LRP1B: variants seen among roughly 807,000 people sequenced by gnomAD.
LRP1B encodes the protein low-density lipoprotein receptor-related protein 1B.
LRP1B carries 217 observed loss-of-function variants against 556.6 expected under a neutral mutation model. The observed-to-expected ratio is 0.39, with a 90% CI of 0.35 to 0.44. The LOEUF is 0.44. LRP1B is among the 20% of genes least tolerant of loss of function. The pLI is 1.00. For synonymous variants in LRP1B, 2,047 were observed against 1,865.8 expected (o/e 1.10, Z -2.50); for missense variants, 5,053 against 5,620.8 (o/e 0.90, Z 3.23).
intron 11 of LRP1B, among the ~76,000 whole-genome samples, chr2:141,035,598 T>C (rs1008024636): frequency 7.9e-5 from 12 of 151,932 alleles, no homozygotes; most frequent in African/African-American, 2.9e-4. Flanking sequence ...GAAATCTTTA[T>C]AAAAAAATAA....
chr2:141,659,759 A>G (rs948835275), intron 2 of LRP1B, among the ~76,000 whole-genome samples: 11 of 152,132 alleles, frequency 7.2e-5, no homozygotes, highest in African/African-American at 2.7e-4. Flanking sequence ...GGATCAATTT[A>G]CCTTTCTGAG....
chr2:140,275,895 T>G (rs907061401), intron 84 of LRP1B, among the ~76,000 whole-genome samples: 6 of 151,986 alleles, frequency 3.9e-5, no homozygotes, highest in Non-Finnish European at 8.8e-5. Flanking sequence ...TATTTAATAA[T>G]ATAACAACCA....
chr2:142,117,279 G>A (rs751296347), intron 1 of LRP1B, among the ~76,000 whole-genome samples: 3 of 152,072 alleles, frequency 2.0e-5, no homozygotes, highest in Non-Finnish European at 2.9e-5. Flanking sequence ...CTGCATCCAC[G>A]TTCTCTCCCC....
intron 41 of LRP1B, among the ~76,000 whole-genome samples, chr2:140,657,000 A>G (rs1242597349): frequency 1.3e-5 from 2 of 152,058 alleles, no homozygotes; most frequent in Non-Finnish European, 2.9e-5. Context: ...AAGTGGTCAT[A>G]TTTTCCTTCT....
chr2:140,515,440 T>A (rs1294055120), intron 50 of LRP1B, among the ~76,000 whole-genome samples: 1 of 152,000 alleles, frequency 6.6e-6, no homozygotes, highest in Non-Finnish European at 1.5e-5. Context: ...AAGCCAATTT[T>A]GTTATTGCTC....
chr2:141,536,741 GTTGAT>G (rs1285017073), intron 2 of LRP1B, among the ~76,000 whole-genome samples: 1 of 151,922 alleles, frequency 6.6e-6, no homozygotes, highest in Non-Finnish European at 1.5e-5. Context: ...AAAATTGATT[GTTGAT>G]TTAAGAGATA....
intron 35 of LRP1B, among the ~76,000 whole-genome samples, chr2:140,762,793 A>G (rs1688971791): frequency 6.6e-6 from 1 of 152,170 alleles, no homozygotes. Flanking sequence ...TTAAAAATTA[A>G]TGGCCCAAAA....
intron 2 of LRP1B, among the ~76,000 whole-genome samples, chr2:141,652,825 T>C (rs2105382066): frequency 6.6e-6 from 1 of 152,286 alleles, no homozygotes; most frequent in Non-Finnish European, 1.5e-5. Flanking sequence ...TTCTAATCTG[T>C]AATGAAATAT....
At chr2:140,569,684 A>C (rs1395148342) in intron 43 of LRP1B, among the ~76,000 whole-genome samples, 1 of 152,032 alleles carries the variant, frequency 6.6e-6, no homozygotes, top group African/African-American at 2.4e-5. Flanking sequence ...AACACTTTAA[A>C]CCAAATGGAC....
At chr2:140,725,572 T>C (rs1292808903) in intron 35 of LRP1B, among the ~76,000 whole-genome samples, 2 of 149,990 alleles carry the variant, frequency 1.3e-5, no homozygotes, top group Non-Finnish European at 3.0e-5. Context: ...CATTAGGAGA[T>C]ATACCTAATG....
chr2:140,805,369 G>C (rs1690674715), intron 32 of LRP1B, among the ~76,000 whole-genome samples: 1 of 152,064 alleles, frequency 6.6e-6, no homozygotes, highest in African/African-American at 2.4e-5. Flanking sequence ...GTGACTCAAA[G>C]TTTCTTTCAG....
rs545108455 is a variant in LRP1B, at chr2:141,914,811, C to T, written c.83-104410G>A. 1.1e-3 allele frequency among the ~76,000 whole-genome samples: 164 copies of T among 152,178 alleles called. 1 individual carries two copies. Among genetic ancestry groups the T allele is most frequent in the African/African-American group, 3.9e-3 (162 of 41,524 alleles). Reference sequence around the variant, plus strand: ...CTAACCAAGTAAGTGAAGATGTCTACAAGAAGAACTACAAAACACTGGTGA... The same window carrying T: ...CTAACCAAGTAAGTGAAGATGTCTATAAGAAGAACTACAAAACACTGGTGA... On this transcript the variant is annotated intron_variant, in intron 1 of 90. Transcript: ENST00000389484.
chr2:140,438,434 G>T (rs1686283988), intron 66 of LRP1B, among the ~76,000 whole-genome samples: 2 of 152,136 alleles, frequency 1.3e-5, no homozygotes, highest in African/African-American at 4.8e-5. Flanking sequence ...GCTATATATA[G>T]CTTAACTGCA....
At chr2:140,512,347 G>A (rs1286347068) in intron 51 of LRP1B, among the ~76,000 whole-genome samples, 4 of 152,070 alleles carry the variant, frequency 2.6e-5, no homozygotes, top group Non-Finnish European at 4.4e-5. Context: ...GGAAGAAAAT[G>A]GGCCAAAGAA....
chr2:141,285,708 G>T (rs992036206), intron 3 of LRP1B, among the ~76,000 whole-genome samples: 3 of 146,478 alleles, frequency 2.0e-5, no homozygotes, highest in African/African-American at 5.0e-5. Context: ...CGCCCACCTC[G>T]GCCTCCCAAA....
chr2:141,563,445 C>A (rs928339531), intron 2 of LRP1B, among the ~76,000 whole-genome samples: 1 of 151,734 alleles, frequency 6.6e-6, no homozygotes, highest in Non-Finnish European at 1.5e-5. Flanking sequence ...GGAAATATAT[C>A]CATGATGAAA....
At chr2:140,271,769 T>C (rs2104946574) in intron 85 of LRP1B, among the ~76,000 whole-genome samples, 1 of 151,998 alleles carries the variant, frequency 6.6e-6, no homozygotes, top group South Asian at 2.1e-4. Flanking sequence ...TTATAACCTA[T>C]AGAGGCACCC....
chr2:141,736,346 C>A (rs1382929445), intron 2 of LRP1B, among the ~76,000 whole-genome samples: 2 of 152,072 alleles, frequency 1.3e-5, no homozygotes, highest in Admixed American at 1.3e-4. Context: ...TGAATATAAC[C>A]TTATTTAAAA....
At chr2:142,121,899 GAAA>G (rs34528579) in intron 1 of LRP1B, among the ~76,000 whole-genome samples, 24 of 151,634 alleles carry the variant, frequency 1.6e-4, no homozygotes, top group African/African-American at 3.9e-4. Context: ...GATTCAGCAA[GAAA>G]AAAAAAATTT....
Sources: allele counts gnomAD v4.1 joint callset (sites outside exome capture counted in the v4.1 genomes callset), GRCh38; gene constraint gnomAD v4.1.1; transcripts MANE v1.5; gene names NCBI Gene and HGNC (gene_info 2026-07-23, HGNC 2026-07-21).